NRXN3: variants seen among roughly 807,000 people sequenced by gnomAD.
NRXN3 encodes the protein neurexin 3, also known as neurexin III.
A neutral mutation model predicts 137.6 loss-of-function variants in NRXN3; 32 were observed. The ratio of observed to expected loss-of-function variants is 0.23; its 90% CI spans 0.18 to 0.31. The LOEUF (loss-of-function observed/expected upper bound fraction) is 0.31. NRXN3 is among the 10% of genes least tolerant of loss of function. NRXN3 has a pLI of 1.00. For missense variants in NRXN3, 1,574 were observed against 2,062.5 expected, an observed-to-expected ratio of 0.76 and a Z score of 4.59; for synonymous variants, 798 against 784.5, an observed-to-expected ratio of 1.02 and a Z score of -0.29.
intron 15 of NRXN3, among the ~76,000 whole-genome samples, chr14:79,359,413 A>G (rs1027665662): frequency 6.6e-6 from 1 of 152,156 alleles, no homozygotes; most frequent in African/African-American, 2.4e-5. Context: ...ATTTTAGAGT[A>G]GTCATTTGCT....
At chr14:79,812,185 G>A (rs761777837) in intron 20 of NRXN3, among the ~76,000 whole-genome samples, 3 of 152,140 alleles carry the variant, frequency 2.0e-5, no homozygotes, top group Admixed American at 6.5e-5. Context: ...GTAGGTTGGA[G>A]AGCGAGGCAG....
At chr14:79,348,713 G>A (rs942220266) in intron 15 of NRXN3, among the ~76,000 whole-genome samples, 1 of 152,232 alleles carries the variant, frequency 6.6e-6, no homozygotes, top group East Asian at 1.9e-4. Context: ...TAGGGCAGTC[G>A]CCACAATATG....
chr14:79,808,167 G>C (rs1039523497), intron 20 of NRXN3, among the ~76,000 whole-genome samples: 1 of 151,018 alleles, frequency 6.6e-6, no homozygotes, highest in Non-Finnish European at 1.5e-5. Flanking sequence ...AACCCGGGAG[G>C]CAGAGGTTGC....
At chr14:78,995,947 C>A (rs1042949848) in intron 15 of NRXN3, among the ~76,000 whole-genome samples, 1 of 152,068 alleles carries the variant, frequency 6.6e-6, no homozygotes, top group Non-Finnish European at 1.5e-5. Flanking sequence ...GAACAAAAAT[C>A]TACAGGTTCA....
At chr14:78,586,594 G>A (rs1236763322) in intron 4 of NRXN3, among the ~76,000 whole-genome samples, 5 of 152,122 alleles carry the variant, frequency 3.3e-5, no homozygotes, top group Admixed American at 3.3e-4. Flanking sequence ...CTCTGTACTG[G>A]AGACAAATCA....
intron 10 of NRXN3, among the ~76,000 whole-genome samples, chr14:78,921,262 G>A (rs560825049): frequency 6.6e-6 from 1 of 152,352 alleles, no homozygotes; most frequent in African/African-American, 2.4e-5. Flanking sequence ...CATATGCTGA[G>A]CTTGGTGCAA....
chr14:78,734,669 T>C (rs949142126), intron 8 of NRXN3, among the ~76,000 whole-genome samples: 6 of 152,180 alleles, frequency 3.9e-5, no homozygotes, highest in Non-Finnish European at 7.4e-5. Context: ...CCAGAGGGAA[T>C]GATGCTTGAC....
At chr14:78,962,927 T>C (rs867326354) in intron 11 of NRXN3, among the ~76,000 whole-genome samples, 1 of 152,256 alleles carries the variant, frequency 6.6e-6, no homozygotes, top group South Asian at 2.1e-4. Flanking sequence ...TTAGCCAGGA[T>C]GGTCTCGATC....
intron 9 of NRXN3, 67 bp downstream of exon 9, chr14:78,803,890 T>A: frequency 2.1e-6 from 3 of 1,419,122 alleles, no homozygotes; most frequent in Non-Finnish European, 2.9e-6. Context: ...TGATTTTCAT[T>A]GGTTTGATTG....
chr14:78,852,070 T>A (rs1252339847), intron 10 of NRXN3, among the ~76,000 whole-genome samples: 1 of 152,206 alleles, frequency 6.6e-6, no homozygotes, highest in African/African-American at 2.4e-5. Context: ...GTAATTTTAC[T>A]TAAGCAACTT....
chr14:79,237,462 G>A (rs556151898), intron 15 of NRXN3, among the ~76,000 whole-genome samples: 1 of 152,096 alleles, frequency 6.6e-6, no homozygotes, highest in South Asian at 2.1e-4. Flanking sequence ...TGGTTGCGGG[G>A]GACAGGTGGA....
chr14:78,314,035 A>G (rs1347507849), intron 4 of NRXN3, among the ~76,000 whole-genome samples: 2 of 152,168 alleles, frequency 1.3e-5, no homozygotes, highest in Non-Finnish European at 1.5e-5. Context: ...GAAAACCCCT[A>G]TATAATGAAT....
chr14:78,773,184 G>C (rs1381828946), intron 8 of NRXN3, among the ~76,000 whole-genome samples: 1 of 152,122 alleles, frequency 6.6e-6, no homozygotes, highest in Non-Finnish European at 1.5e-5. Context: ...CTCTAATTCT[G>C]GATGCTTTTG....
chr14:79,047,504 T>A (rs968695070), intron 15 of NRXN3, among the ~76,000 whole-genome samples: 2 of 152,160 alleles, frequency 1.3e-5, no homozygotes, highest in Admixed American at 6.5e-5. Flanking sequence ...GGGTAAATTT[T>A]AAAATTTTTG....
intron 1 of NRXN3, among the ~76,000 whole-genome samples, chr14:78,242,060 A>C (rs2067147597): frequency 6.6e-6 from 1 of 152,242 alleles, no homozygotes; most frequent in Non-Finnish European, 1.5e-5. Flanking sequence ...GTATTTGAAT[A>C]TATAAAATGT....
At chr14:78,256,954 G>A (rs531322655) in intron 2 of NRXN3, among the ~76,000 whole-genome samples, 337 of 152,252 alleles carry the variant, frequency 2.2e-3, no homozygotes, top group African/African-American at 6.7e-3. Context: ...TCAGGATCAG[G>A]TGATACCTAA....
At chr14:79,137,620 G>T (rs1441526671) in intron 15 of NRXN3, among the ~76,000 whole-genome samples, 1 of 152,098 alleles carries the variant, frequency 6.6e-6, no homozygotes, top group Non-Finnish European at 1.5e-5. Context: ...TTATAGTAGT[G>T]CCTTTATTTT....
At chr14:78,660,346 A>G (rs1466787198) in intron 6 of NRXN3, among the ~76,000 whole-genome samples, 1 of 151,032 alleles carries the variant, frequency 6.6e-6, no homozygotes, top group African/African-American at 2.4e-5. Context: ...CTCATTCTCA[A>G]TCCAATGATT....
chr14:78,209,160 A>G (rs1476489494), intron 1 of NRXN3, among the ~76,000 whole-genome samples: 2 of 152,156 alleles, frequency 1.3e-5, no homozygotes, highest in Admixed American at 1.3e-4. Flanking sequence ...GTGTGCAGCA[A>G]GGTGTGAAGG....
Sources: allele counts gnomAD v4.1 joint callset (sites outside exome capture counted in the v4.1 genomes callset), GRCh38; gene constraint gnomAD v4.1.1; transcripts MANE v1.5; gene names NCBI Gene and HGNC (gene_info 2026-07-23, HGNC 2026-07-21).